DDAH1: variants seen among roughly 807,000 people sequenced by gnomAD.
DDAH1 encodes the protein dimethylarginine dimethylaminohydrolase 1.
A neutral mutation model predicts 28.8 loss-of-function variants in DDAH1; 19 were observed. That is an observed-to-expected ratio of 0.66 (90% CI 0.46 to 0.97). DDAH1 has a LOEUF of 0.97. Among genes scored for constraint, DDAH1 ranks in the 50% least tolerant of loss-of-function variants. The pLI, the probability that DDAH1 is intolerant of heterozygous loss-of-function variation, is 0.00. For missense variants in DDAH1, 326 were observed against 375.9 expected (o/e 0.87, Z 1.10); for synonymous variants, 153 against 154.4 (o/e 0.99, Z 0.07).
intron 2 of DDAH1, among the ~76,000 whole-genome samples, chr1:85,482,806 A>G (rs967093288): frequency 1.7e-4 from 26 of 152,234 alleles, no homozygotes; most frequent in African/African-American, 6.0e-4. Context: ...CTAAGATTTT[A>G]TCTGTGGGAA....
intron 1 of DDAH1, among the ~76,000 whole-genome samples, chr1:85,456,490 C>T (rs1267378796): frequency 6.6e-6 from 1 of 152,168 alleles, no homozygotes; most frequent in East Asian, 1.9e-4. Flanking sequence ...CTGTTTTTCA[C>T]TTTCAGTACA....
chr1:85,479,328 C>T (rs947703373), intron 2 of DDAH1, among the ~76,000 whole-genome samples: 4 of 151,142 alleles, frequency 2.6e-5, no homozygotes, highest in African/African-American at 4.9e-5. Context: ...CGCCCGCCAC[C>T]GCGCCCGGCT....
intron 1 of DDAH1, among the ~76,000 whole-genome samples, chr1:85,545,678 ATAAT>A (rs1388142685): frequency 3.3e-5 from 5 of 152,130 alleles, no homozygotes; most frequent in Admixed American, 6.6e-5. Context: ...CCTAGCCCAA[ATAAT>A]TAATCTTCTT....
chr1:85,370,783 G>T (rs4475804), intron 1 of DDAH1, among the ~76,000 whole-genome samples: 34,340 of 152,054 alleles, frequency 0.23, 4,110 homozygotes, highest in Admixed American at 0.27. Context: ...TAGGTGTACT[G>T]ATTTCTAATA....
intron 1 of DDAH1, among the ~76,000 whole-genome samples, chr1:85,570,364 T>TCTCACA (rs1553149612): frequency 2.1e-5 from 3 of 145,574 alleles, no homozygotes; most frequent in East Asian, 2.0e-4. Flanking sequence ...ACACACACTG[T>TCTCACA]CACACACACA....
chr1:85,336,992 C>T (rs374279351), intron 4 of DDAH1, among the ~76,000 whole-genome samples: 22 of 152,266 alleles, frequency 1.4e-4, no homozygotes, highest in East Asian at 1.3e-3. Flanking sequence ...AAAGATATTA[C>T]ACCATGATCA....
intron 1 of DDAH1, among the ~76,000 whole-genome samples, chr1:85,385,362 A>G (rs1263333627): frequency 6.6e-6 from 1 of 152,226 alleles, no homozygotes; most frequent in Non-Finnish European, 1.5e-5. Flanking sequence ...GAAATAAATA[A>G]AGCATTAGTA....
intron 1 of DDAH1, among the ~76,000 whole-genome samples, chr1:85,397,305 G>A (rs1336792343): frequency 3.3e-5 from 5 of 152,118 alleles, no homozygotes; most frequent in African/African-American, 1.2e-4. Context: ...AAAAAATTCT[G>A]ACAAGTACAG....
At chr1:85,556,644 A>G (rs756767329) in intron 1 of DDAH1, among the ~76,000 whole-genome samples, 10 of 152,220 alleles carry the variant, frequency 6.6e-5, no homozygotes, top group Admixed American at 2.0e-4. Context: ...AGACATAATC[A>G]TAAAGGAGAT....
At chr1:85,389,659 C>T (rs1000105834) in intron 1 of DDAH1, among the ~76,000 whole-genome samples, 1 of 152,154 alleles carries the variant, frequency 6.6e-6, no homozygotes, top group African/African-American at 2.4e-5. Context: ...CGGGGACTGG[C>T]ACAGTGCCTA....
chr1:85,569,023 C>T (rs533798707), intron 1 of DDAH1, among the ~76,000 whole-genome samples: 132 of 152,282 alleles, frequency 8.7e-4, no homozygotes, highest in African/African-American at 3.1e-3. Flanking sequence ...TAGTATGGTA[C>T]GATCATTTCA....
chr1:85,539,390 G>T (rs1183779183), intron 1 of DDAH1, among the ~76,000 whole-genome samples: 2 of 152,156 alleles, frequency 1.3e-5, no homozygotes, highest in African/African-American at 2.4e-5. Flanking sequence ...CAGGTGATCC[G>T]CCTTTCTCGG....
chr1:85,478,443 T>C (rs1419353830), intron 2 of DDAH1, among the ~76,000 whole-genome samples: 7 of 152,332 alleles, frequency 4.6e-5, no homozygotes, highest in African/African-American at 1.7e-4. Context: ...CTCACAATCA[T>C]GGCAGAAGGT....
intron 1 of DDAH1, among the ~76,000 whole-genome samples, chr1:85,369,657 C>G (rs1187676851): frequency 6.6e-6 from 1 of 152,170 alleles, no homozygotes; most frequent in Non-Finnish European, 1.5e-5. Context: ...TGGCACTATT[C>G]TAGGTTCCAA....
chr1:85,512,287 C>A (rs1299583081), intron 1 of DDAH1, among the ~76,000 whole-genome samples: 2 of 152,184 alleles, frequency 1.3e-5, no homozygotes, highest in African/African-American at 4.8e-5. Flanking sequence ...AGGCCTTTGA[C>A]AAAATTCAAC....
At chr1:85,401,458 T>C (rs1041289347) in intron 1 of DDAH1, among the ~76,000 whole-genome samples, 1 of 151,948 alleles carries the variant, frequency 6.6e-6, no homozygotes, top group Non-Finnish European at 1.5e-5. Flanking sequence ...TAATTTTACC[T>C]TGGATTTTAA....
chr1:85,335,918 T>C (rs1487436020), intron 4 of DDAH1, among the ~76,000 whole-genome samples: 1 of 151,896 alleles, frequency 6.6e-6, no homozygotes, highest in Non-Finnish European at 1.5e-5. Context: ...ACCAAGATTG[T>C]ATCACTGTAC....
In DDAH1 at chr1:85,321,491, G is replaced by C; in HGVS notation, c.819C>G (p.Thr273=). The change falls in exon 6 of 6, where the codon ACC becomes ACG. Residue 273 remains threonine, a synonymous_variant. Transcript: ENST00000284031. ...SELEKVDGLL[T]CCSVLINKKV... ...TCTTGTTAATTAAAACTGAGCAGCA[G>C]GTGAGCAGCCCATCCACCTTTTCCA... 6.2e-7 allele frequency: 1 copy of C among 1,614,142 alleles called. No individual in the cohort carries two copies. Among genetic ancestry groups the C allele is most frequent in the Non-Finnish European group, 8.5e-7 (1 of 1,179,970 alleles).
intron 5 of DDAH1, among the ~76,000 whole-genome samples, chr1:85,322,438 C>G (rs1419652876): frequency 1.3e-5 from 2 of 152,100 alleles, no homozygotes; most frequent in African/African-American, 2.4e-5. Context: ...GATGATCAAA[C>G]AAAGCATATT....
Sources: allele counts gnomAD v4.1 joint callset (sites outside exome capture counted in the v4.1 genomes callset), GRCh38; gene constraint gnomAD v4.1.1; transcripts MANE v1.5; gene names NCBI Gene and HGNC (gene_info 2026-07-23, HGNC 2026-07-21).